The following RBMS3 variants were observed in gnomAD, a reference collection of about 807,000 sequenced individuals.
RBMS3 encodes the protein RNA-binding motif, single-stranded-interacting protein 3.
Under a neutral mutation model 66.8 loss-of-function variants are expected in RBMS3, and 27 were observed. The observed-to-expected ratio is 0.40, with a 90% CI of 0.30 to 0.56. The LOEUF is 0.56. Among genes scored for constraint, RBMS3 ranks in the 20% least tolerant of loss-of-function variants. The probability of loss-of-function intolerance (pLI) is 0.40; values close to 1 mark genes in which losing one functional copy is unlikely to be tolerated. For synonymous variants in RBMS3, 188 were observed against 183.0 expected (o/e 1.03, Z -0.22); for missense variants, 513 against 549.5 (o/e 0.93, Z 0.66).
At position 29,393,240 on chromosome 3, in the gene RBMS3, TA is replaced by T. The variant is rs552705194; in HGVS notation, c.76-41497del. Among the ~76,000 whole-genome samples the T allele has an allele frequency of 1.5e-4, 23 of 152,280 alleles. No individual in the cohort carries two copies. The East Asian group carries it at 3.5e-3, about 23-fold the overall frequency. ...GAAACTATTTTGGATTCTGAGAGTT[TA>T]AAAAATGCATGGGACTACCTGCCAG... is the stretch of plus-strand genomic sequence containing the variant. On this transcript the variant is annotated intron_variant, in intron 1 of 14. Coordinates refer to ENST00000383767, the MANE Select transcript of RBMS3 (RefSeq NM_001003793.3).
intron 4 of RBMS3, among the ~76,000 whole-genome samples, chr3:29,594,267 A>AT (rs933762062): frequency 3.3e-5 from 5 of 151,302 alleles, no homozygotes; most frequent in East Asian, 1.9e-4. Context: ...ACTGTTTGGA[A>AT]TTTTTTTTTC....
At position 29,744,859 on chromosome 3, in the gene RBMS3, C is replaced by T. The variant is rs899157736; in HGVS notation, c.557+4982C>T. Among the ~76,000 whole-genome samples the T allele has an allele frequency of 5.3e-5, 8 of 151,040 alleles. 1 individual carries two copies. The East Asian group carries it at 7.8e-4, about 15-fold the overall frequency. The stretch of plus-strand genomic sequence containing the variant: ...TAATTGTGTCTAGTAAATTGTTGTA[C>T]ATATCTCTTGAATGTATGACTGTTT... On this transcript the variant is annotated intron_variant, in intron 5 of 14. Transcript: ENST00000383767.
chr3:29,684,685 A>C (rs950470574), intron 4 of RBMS3, among the ~76,000 whole-genome samples: 3 of 151,866 alleles, frequency 2.0e-5, no homozygotes, highest in Non-Finnish European at 4.4e-5. Flanking sequence ...CCTTCTATTT[A>C]TTTTGCCATC....
chr3:29,643,308 A>C (rs1183310486), intron 4 of RBMS3, among the ~76,000 whole-genome samples: 1 of 152,120 alleles, frequency 6.6e-6, no homozygotes, highest in Non-Finnish European at 1.5e-5. Flanking sequence ...TTTCCTGTGC[A>C]TTAGCAGCCA....
In RBMS3 at chr3:29,554,519, G is replaced by A. The variant is rs797007392; in HGVS notation, c.308-32595G>A. On this transcript the variant is annotated intron_variant, in intron 3 of 14. Transcript: ENST00000383767. ...AGAGACTTATTTACTATAAATGGAA[G>A]TAAATAAGTATCCACAAAATTAAAC... is the stretch of plus-strand genomic sequence containing the variant. 1.2e-4 allele frequency among the ~76,000 whole-genome samples: 18 copies of A among 152,280 alleles called. 1 individual carries two copies. The highest frequency in any genetic ancestry group is 4.3e-4 in the African/African-American group (18 of 41,568).
At chr3:29,978,343 T>C (rs1403083974) in intron 12 of RBMS3, among the ~76,000 whole-genome samples, 1 of 152,138 alleles carries the variant, frequency 6.6e-6, no homozygotes, top group Admixed American at 6.6e-5. Flanking sequence ...TACCCAGAGA[T>C]AATAGTCTTA....
chr3:29,696,831 A>T (rs1358737740), intron 4 of RBMS3: 1 of 465,276 alleles, frequency 2.1e-6, no homozygotes, highest in Non-Finnish European at 2.8e-6. Flanking sequence ...TCCAAGAGCC[A>T]GTGTAGGGTA....
chr3:29,829,870 G>A (rs886735564), intron 6 of RBMS3, among the ~76,000 whole-genome samples: 1 of 152,078 alleles, frequency 6.6e-6, no homozygotes, highest in Non-Finnish European at 1.5e-5. Flanking sequence ...CTGCATTGCA[G>A]TCCCATTTCT....
chr3:29,649,913 C>G (rs533120543), intron 4 of RBMS3, among the ~76,000 whole-genome samples: 2 of 152,168 alleles, frequency 1.3e-5, no homozygotes, highest in Non-Finnish European at 2.9e-5. Flanking sequence ...ACAAACTCCA[C>G]ATTAAACTGG....
chr3:29,829,254 A>G (rs1452396195), intron 6 of RBMS3, among the ~76,000 whole-genome samples: 2 of 152,092 alleles, frequency 1.3e-5, no homozygotes, highest in African/African-American at 2.4e-5. Flanking sequence ...CATATTGGTC[A>G]GGCTGGTCTT....
intron 1 of RBMS3, among the ~76,000 whole-genome samples, chr3:29,320,556 C>T (rs192743270): frequency 8.9e-4 from 135 of 151,650 alleles, no homozygotes; most frequent in Admixed American, 2.4e-3. Flanking sequence ...TGTTTAATCC[C>T]GAGAAAAACA....
chr3:29,701,304 T>G (rs187138695), intron 4 of RBMS3, among the ~76,000 whole-genome samples: 468 of 151,786 alleles, frequency 3.1e-3, no homozygotes, highest in Non-Finnish European at 5.4e-3. Flanking sequence ...GAAAAAAAGT[T>G]TTAAGTAGTG....
Position 29,738,866 on chromosome 3 carries a change from G to A in RBMS3, c.400-854G>A, listed in dbSNP as rs927550766. Among the ~76,000 whole-genome samples the A allele has an allele frequency of 1.1e-4, 16 of 152,254 alleles. 1 individual carries two copies. Among genetic ancestry groups the A allele is most frequent in the African/African-American group, 3.6e-4 (15 of 41,538 alleles). ...GTAGACCAGAGCAATAAATCCCATG[G>A]ACTTTGGTGATAGGCCCAGATTTCA... is the stretch of plus-strand genomic sequence containing the variant. On this transcript the variant is annotated intron_variant, in intron 4 of 14. Transcript: ENST00000383767.
intron 4 of RBMS3, among the ~76,000 whole-genome samples, chr3:29,596,800 G>T (rs1222476671): frequency 6.6e-6 from 1 of 152,172 alleles, no homozygotes; most frequent in Non-Finnish European, 1.5e-5. Flanking sequence ...GATATACATA[G>T]TGGGGCTTCA....
At chr3:29,587,313 G>A in intron 4 of RBMS3, 108 bp downstream of exon 4, 2 of 601,300 alleles carry the variant, frequency 3.3e-6, no homozygotes, top group East Asian at 3.5e-5. Context: ...GAAGGAAGAA[G>A]GAGAGATTAA....
chr3:29,647,168 G>A (rs773409115), intron 4 of RBMS3, among the ~76,000 whole-genome samples: 67 of 152,192 alleles, frequency 4.4e-4, no homozygotes, highest in Admixed American at 2.0e-4. Context: ...TAGTAGAGAT[G>A]GGGTTTCACC....
rs1479863157 is a variant in RBMS3 at position 29,434,890 on chromosome 3, C to A, written c.223C>A (p.Gln75Lys). The A allele has an allele frequency of 1.2e-6, 2 of 1,613,770 alleles. No homozygotes were observed. The highest frequency in any genetic ancestry group is 3.3e-5 in the Admixed American group (2 of 59,996). ...AGGCCTCCCACCAGGCACCACTGAC[C>A]AGGACCTAATCAAGCTGTGCCAACC... ...IRGLPPGTTD[Q>K]DLIKLCQPYG... The change falls in exon 2 of 15, where the codon CAG (glutamine) becomes AAG (lysine). Residue 75 changes from glutamine (Q) to lysine (K), a missense_variant. Gln to Lys is a moderately conservative substitution (Grantham distance 53). Transcript: ENST00000383767.
At chr3:29,375,004 G>A (rs1404029467) in intron 1 of RBMS3, among the ~76,000 whole-genome samples, 2 of 152,122 alleles carry the variant, frequency 1.3e-5, no homozygotes, top group African/African-American at 4.8e-5. Context: ...ACTAGTACAA[G>A]AACAGAAACA....
At chr3:29,578,618 T>C (rs1028026180) in intron 3 of RBMS3, among the ~76,000 whole-genome samples, 2 of 151,896 alleles carry the variant, frequency 1.3e-5, no homozygotes, top group Non-Finnish European at 2.9e-5. Context: ...GAACCTTTTA[T>C]CAAAGATTTT....
Sources: allele counts gnomAD v4.1 joint callset (sites outside exome capture counted in the v4.1 genomes callset), GRCh38; gene constraint gnomAD v4.1.1; transcripts MANE v1.5; gene names NCBI Gene and HGNC (gene_info 2026-07-23, HGNC 2026-07-21).